Variants in SNX14 observed in about 807,000 individuals in gnomAD.
The protein encoded by SNX14 is sorting nexin 14, also known as sorting nexin-14.
SNX14 carries 93 observed loss-of-function variants against 133.8 expected under a neutral mutation model. The observed-to-expected ratio is 0.70, with a 90% CI of 0.59 to 0.83. SNX14 has a LOEUF of 0.83. Among genes scored for constraint, SNX14 ranks in the 40% least tolerant of loss-of-function variants. SNX14 has a pLI of 0.00. For missense variants in SNX14, 945 were observed against 1,094.9 expected (o/e 0.86, Z 1.93); for synonymous variants, 368 against 365.6 (o/e 1.01, Z -0.07).
chr6:85,557,877 T>C, intron 7 of SNX14, 99 bp downstream of exon 7: 1 of 712,416 alleles, frequency 1.4e-6, no homozygotes, highest in Non-Finnish European at 2.5e-6. Flanking sequence ...CAACTGTGAA[T>C]ATGTAAGTTA....
intron 1 of SNX14, among the ~76,000 whole-genome samples, chr6:85,580,976 A>AT (rs1476876426): frequency 2.6e-5 from 4 of 152,138 alleles, no homozygotes; most frequent in African/African-American, 7.2e-5. Flanking sequence ...CCACCTGCTG[A>AT]TTATAGAGCC....
chr6:85,574,826 T>C (rs1012814488), intron 1 of SNX14, among the ~76,000 whole-genome samples: 1 of 151,696 alleles, frequency 6.6e-6, no homozygotes, highest in African/African-American at 2.4e-5. Context: ...CACAGTCTAG[T>C]AGTGGTGATA....
At chr6:85,585,533 C>T (rs913547143) in intron 1 of SNX14, among the ~76,000 whole-genome samples, 8 of 151,978 alleles carry the variant, frequency 5.3e-5, no homozygotes. Flanking sequence ...ACAACAATGA[C>T]AAATTAACAA....
intron 6 of SNX14, among the ~76,000 whole-genome samples, chr6:85,564,037 T>C (rs1410071251): frequency 1.3e-5 from 2 of 152,150 alleles, no homozygotes; most frequent in Admixed American, 1.3e-4. Flanking sequence ...TTATCTGTCC[T>C]CATGATAGTT....
chr6:85,538,997 T>C (rs1442140308), intron 15 of SNX14, 133 bp from the exon 16 acceptor site: 1 of 600,686 alleles, frequency 1.7e-6, no homozygotes, highest in Non-Finnish European at 2.7e-6. Flanking sequence ...AACATTCATT[T>C]TTGCAAAGGG....
At chr6:85,530,079 A>C (rs554527404) in intron 19 of SNX14, 113 bp downstream of exon 19, 2 of 617,130 alleles carry the variant, frequency 3.2e-6, no homozygotes, top group East Asian at 6.2e-5. Flanking sequence ...ACAAGCATCA[A>C]TGTTGTATTT....
chr6:85,514,193 A>C lies in SNX14; in HGVS notation c.2434T>G (p.Leu812Val). 1 of 1,613,878 alleles carries C rather than the reference A, an allele frequency of 6.2e-7. No homozygotes were observed. Among genetic ancestry groups the C allele is most frequent in the Non-Finnish European group, 8.5e-7 (1 of 1,179,900 alleles). The change falls in exon 25 of 29, where the codon TTA becomes GTA. Residue 812 changes from leucine (L) to valine (V), a missense_variant. Physicochemically the swap from Leu to Val is conservative, Grantham distance 32. Coordinates refer to ENST00000314673, the MANE Select transcript of SNX14 (RefSeq NM_153816.6). ...TTAAAGAGGATTCGAGTTCCCATTA[A>C]GAGATGATGAAGCCAGTCAGGAACC... The part of the protein sequence containing the change: ...FQVPDWLHHL[L>V]MGTRILFKNT...
In SNX14 at chr6:85,513,861, A is replaced by G. The variant is rs113957741; in HGVS notation, c.2592T>C (p.Ser864=). The change falls in exon 26 of 29, where the codon TCT becomes TCC. Residue 864 remains serine, a synonymous_variant. Transcript: ENST00000314673. ...TTGCTCCTTTTTGCTTATCTTGGAG[A>G]GAGCGAGGTTCAGTGTTTTCACAGA... ...AIFCENTEPR[S]LQDKQKGAKQ... is the part of the protein sequence containing the mutation. 1 of 1,612,962 alleles carries G rather than the reference A, an allele frequency of 6.2e-7. No homozygotes were observed. Among genetic ancestry groups the G allele is most frequent in the Non-Finnish European group, 8.5e-7 (1 of 1,179,764 alleles).
chr6:85,534,032 A>G (rs1002980562), intron 17 of SNX14, among the ~76,000 whole-genome samples: 3 of 152,232 alleles, frequency 2.0e-5, no homozygotes, highest in Admixed American at 6.5e-5. Flanking sequence ...AAAATATAAT[A>G]GGCCGGGGAC....
Position 85,535,322 on chromosome 6 carries a change from A to T in SNX14, c.1608+1470T>A, listed in dbSNP as rs183002392. 1.0e-3 allele frequency among the ~76,000 whole-genome samples: 157 copies of T among 151,822 alleles called. 2 individuals are homozygous for T. Among genetic ancestry groups the T allele is most frequent in the Non-Finnish European group, 3.4e-4 (23 of 67,910 alleles). On this transcript the variant is annotated intron_variant, in intron 17 of 28. Coordinates refer to ENST00000314673, the MANE Select transcript of SNX14 (RefSeq NM_153816.6). ...GAGCCACCACACCCAGCATAAAACT[A>T]CCCACACCAAGGCTGGGTGCAGTGG...
intron 7 of SNX14, among the ~76,000 whole-genome samples, chr6:85,554,609 G>C (rs903106847): frequency 2.6e-5 from 4 of 152,118 alleles, no homozygotes; most frequent in Non-Finnish European, 5.9e-5. Context: ...GATAAAATAA[G>C]AGCCCTCCTA....
At chr6:85,507,614 C>T (rs960111574) in intron 27 of SNX14, among the ~76,000 whole-genome samples, 2 of 152,010 alleles carry the variant, frequency 1.3e-5, no homozygotes, top group Admixed American at 6.6e-5. Flanking sequence ...ATATATAAAG[C>T]TTATACATAG....
intron 6 of SNX14, among the ~76,000 whole-genome samples, chr6:85,564,920 C>T (rs980587137): frequency 7.3e-5 from 11 of 150,784 alleles, no homozygotes; most frequent in Admixed American, 3.3e-4. Flanking sequence ...ACCTGGGAGG[C>T]GGAGGTTGCA....
intron 1 of SNX14, among the ~76,000 whole-genome samples, chr6:85,590,808 C>T (rs572693436): frequency 7.2e-5 from 11 of 152,224 alleles, no homozygotes; most frequent in Admixed American, 5.2e-4. Flanking sequence ...GCAAAAAGTA[C>T]GAAGTTTTCA....
intron 6 of SNX14, among the ~76,000 whole-genome samples, chr6:85,560,379 C>A (rs1039124886): frequency 6.6e-6 from 1 of 152,082 alleles, no homozygotes; most frequent in Non-Finnish European, 1.5e-5. Context: ...AGAAACCAGT[C>A]ACAAAAGGCC....
chr6:85,561,778 A>G (rs1582941741), intron 6 of SNX14, among the ~76,000 whole-genome samples: 1 of 151,626 alleles, frequency 6.6e-6, no homozygotes, highest in African/African-American at 2.4e-5. Flanking sequence ...GTAGAAAAAT[A>G]CCACACATAT....
chr6:85,592,093 T>C (rs1802969434), intron 1 of SNX14, among the ~76,000 whole-genome samples: 1 of 152,244 alleles, frequency 6.6e-6, no homozygotes, highest in Admixed American at 6.5e-5. Flanking sequence ...TGGAATACCT[T>C]CCAGATGACA....
chr6:85,589,225 C>CTTTTT (rs34164476), intron 1 of SNX14: 6 of 131,002 alleles, frequency 4.6e-5, no homozygotes, highest in Admixed American at 7.4e-5. Flanking sequence ...TCTGGCACCA[C>CTTTTT]TTTTTTTTTT....
chr6:85,516,630 A>ACCT (rs1330740524), intron 23 of SNX14, among the ~76,000 whole-genome samples: 180 of 146,122 alleles, frequency 1.2e-3, no homozygotes, highest in African/African-American at 4.5e-3. Flanking sequence ...AACTTCCTTA[A>ACCT]TCTTTTTTTT....
Sources: allele counts gnomAD v4.1 joint callset (sites outside exome capture counted in the v4.1 genomes callset), GRCh38; gene constraint gnomAD v4.1.1; transcripts MANE v1.5; gene names NCBI Gene and HGNC (gene_info 2026-07-23, HGNC 2026-07-21).